The following HGSNAT variants were observed in gnomAD, a reference collection of about 807,000 sequenced individuals.
The protein encoded by HGSNAT is heparan-alpha-glucosaminide N-acetyltransferase, also known as transmembrane protein 76.
Under a neutral mutation model 85.2 loss-of-function variants are expected in HGSNAT, and 59 were observed. That is an observed-to-expected ratio of 0.69 (90% CI 0.56 to 0.86). The LOEUF (loss-of-function observed/expected upper bound fraction) is 0.86, where lower values mean the gene tolerates loss of function less well. Among genes scored for constraint, HGSNAT ranks in the 40% least tolerant of loss-of-function variants. The pLI is 0.00. For synonymous variants in HGSNAT, 321 were observed against 304.5 expected, an observed-to-expected ratio of 1.05 and a Z score of -0.56; for missense variants, 756 against 777.1, an observed-to-expected ratio of 0.97 and a Z score of 0.32.
At chr8:43,194,444 G>T (rs1804641831) in intron 14 of HGSNAT, 1 of 985,266 alleles carries the variant, frequency 1.0e-6, no homozygotes, top group Non-Finnish European at 1.2e-6. Context: ...GAGTGTGTGG[G>T]TATTGGTAAC....
At chr8:43,195,568 AAG>A (rs1196658402) in intron 14 of HGSNAT, among the ~76,000 whole-genome samples, 5 of 136,324 alleles carry the variant, frequency 3.7e-5, no homozygotes, top group Admixed American at 3.6e-4. Flanking sequence ...GATGAGGAGG[AAG>A]AGGGGGTGGA....
At chr8:43,171,885 G>C (rs1446988543) in intron 7 of HGSNAT, among the ~76,000 whole-genome samples, 2 of 152,088 alleles carry the variant, frequency 1.3e-5, no homozygotes, top group African/African-American at 4.8e-5. Context: ...CCTTGCCCAG[G>C]GTCTTATGGC....
intron 5 of HGSNAT, among the ~76,000 whole-genome samples, chr8:43,166,785 TAGCTGCCATAC>T (rs1336878717): frequency 1.3e-5 from 2 of 152,202 alleles, no homozygotes; most frequent in African/African-American, 2.4e-5. Flanking sequence ...TAAAGCCGTA[TAGCTGCCATAC>T]ATAGACAGTG....
chr8:43,159,165 G>GTTT, intron 4 of HGSNAT, 121 bp downstream of exon 4: 5 of 913,020 alleles, frequency 5.5e-6, no homozygotes, highest in Non-Finnish European at 8.0e-6. Context: ...TAAATCTTAG[G>GTTT]TCATTGATGA....
intron 9 of HGSNAT, among the ~76,000 whole-genome samples, chr8:43,174,456 A>G (rs1056436795): frequency 1.4e-4 from 22 of 152,320 alleles, no homozygotes; most frequent in African/African-American, 5.1e-4. Flanking sequence ...AAAATTTAAA[A>G]TAACAGTTGA....
At chr8:43,189,292 C>T (rs1804439310) in intron 11 of HGSNAT, among the ~76,000 whole-genome samples, 1 of 152,222 alleles carries the variant, frequency 6.6e-6, no homozygotes, top group African/African-American at 2.4e-5. Context: ...TCAGTTCAAG[C>T]TCCCCACCTG....
chr8:43,179,605 G>A (rs1803968570), intron 10 of HGSNAT, among the ~76,000 whole-genome samples: 1 of 74,800 alleles, frequency 1.3e-5, no homozygotes, highest in African/African-American at 6.3e-5. Flanking sequence ...TCCAGTAGGG[G>A]CGGCCGGGCA....
At chr8:43,142,957 C>T (rs573650345) in intron 1 of HGSNAT, among the ~76,000 whole-genome samples, 4 of 152,054 alleles carry the variant, frequency 2.6e-5, no homozygotes, top group South Asian at 2.1e-4. Context: ...GGAGAAATTA[C>T]GAAGGAAAAG....
chr8:43,189,603 C>T (rs1042553303), intron 11 of HGSNAT, among the ~76,000 whole-genome samples: 13 of 152,138 alleles, frequency 8.5e-5, no homozygotes, highest in Non-Finnish European at 1.2e-4. Context: ...CACCCTGCTC[C>T]GTGGGCTGTA....
rs571883806 is a variant in HGSNAT, at chr8:43,158,661, C to T, written c.321C>T (p.His107=). Residue 107 remains histidine (H), a synonymous_variant, in exon 3 of 18, where the codon CAC becomes CAT. Coordinates refer to ENST00000379644, the MANE Select transcript of HGSNAT (RefSeq NM_152419.3). ...CAGCTGCCTCTGTCAGCACCCAGCA[C>T]GGATCTATCCTGCAGCTGAACGACA... is the stretch of plus-strand genomic sequence containing the variant. ...SAAAASVSTQ[H]GSILQLNDTL... is the part of the protein sequence containing the mutation. 59 of 1,613,794 alleles carry T rather than the reference C, an allele frequency of 3.7e-5. No individual in the cohort carries two copies. In the African/African-American group the frequency reaches 4.9e-4, roughly 13 times the overall value.
In HGSNAT at chr8:43,196,351, A is replaced by G. The variant is rs986294564; in HGVS notation, c.1465-597A>G. The G allele has an allele frequency of 1.5e-5, 9 of 600,712 alleles. No homozygotes were observed. The Admixed American group carries it at 1.7e-4, about 12-fold the overall frequency. The allele number at this position is 600,712 out of a possible 1,614,324, so 37.2% of individuals were successfully genotyped here. On this transcript the variant is annotated intron_variant, in intron 14 of 17. Coordinates refer to ENST00000379644, the MANE Select transcript of HGSNAT (RefSeq NM_152419.3). Reference sequence around the variant, plus strand: ...TTCAGAGGGATTGTATGTGAAGTCCATATTTCACTGTTTTTAAATGTTTCC... The same window carrying G: ...TTCAGAGGGATTGTATGTGAAGTCCGTATTTCACTGTTTTTAAATGTTTCC...
chr8:43,187,124 T>G (rs13278729), intron 11 of HGSNAT, among the ~76,000 whole-genome samples: 6,855 of 152,312 alleles, frequency 0.045, 201 homozygotes, highest in South Asian at 0.078. Context: ...TTCTGTTGAT[T>G]TGAGGTGGAG....
In HGSNAT at chr8:43,146,964, A is replaced by T. The variant is rs746715452; in HGVS notation, c.135A>T (p.Arg45Ser). Residue 45 changes from arginine (R) to serine (S), a missense_variant, in exon 2 of 18, where the codon AGA becomes AGT. Arg to Ser is a moderately radical substitution (Grantham distance 110, BLOSUM62 -1). Coordinates refer to ENST00000379644, the MANE Select transcript of HGSNAT (RefSeq NM_152419.3). ...TTCTACCAGACTTAGACAAAAAAAG[A>T]CATGCAGAGCTGAAGATGGATCAGG... ...AAPPRDLDKK[R>S]HAELKMDQAL... 9 of 1,597,124 alleles carry T rather than the reference A, an allele frequency of 5.6e-6. No individual in the cohort carries two copies. In the East Asian group the frequency reaches 2.0e-4, roughly 36 times the overall value.
At chr8:43,192,197 G>C in intron 12 of HGSNAT, 107 bp from the exon 13 acceptor site, 1 of 1,287,880 alleles carries the variant, frequency 7.8e-7, no homozygotes, top group Non-Finnish European at 1.1e-6. Flanking sequence ...CAAAGTGTTG[G>C]GATTACAGGC....
chr8:43,192,841 G>T (rs540208184), intron 13 of HGSNAT, among the ~76,000 whole-genome samples: 2 of 152,136 alleles, frequency 1.3e-5, no homozygotes, highest in African/African-American at 4.8e-5. Context: ...TTTTCTGTAC[G>T]TCTCAGGTCG....
intron 1 of HGSNAT, among the ~76,000 whole-genome samples, chr8:43,143,605 T>C (rs1390444875): frequency 1.3e-5 from 2 of 151,488 alleles, no homozygotes; most frequent in East Asian, 1.9e-4. Flanking sequence ...TGGTGCGAAC[T>C]CAGCTCACTG....
At chr8:43,150,863 AAATAAAAT>A (rs956230722) in intron 2 of HGSNAT, among the ~76,000 whole-genome samples, 1 of 137,086 alleles carries the variant, frequency 7.3e-6, no homozygotes, top group African/African-American at 2.6e-5. Context: ...ATAAATAAAT[AAATAAAAT>A]AAAATTGCTT....
chr8:43,156,495 T>G (rs1450820080), intron 2 of HGSNAT, among the ~76,000 whole-genome samples: 1 of 152,152 alleles, frequency 6.6e-6, no homozygotes, highest in Non-Finnish European at 1.5e-5. Context: ...TTTCATTGAC[T>G]CATTGGTTAT....
At chr8:43,186,322 A>G (rs1211745191) in intron 11 of HGSNAT, among the ~76,000 whole-genome samples, 1 of 152,048 alleles carries the variant, frequency 6.6e-6, no homozygotes. Context: ...AGAGCCTGTT[A>G]TTGTTCTATT....
Sources: gnomAD v4.1 joint callset for allele counts (sites outside exome capture counted in the v4.1 genomes callset) on GRCh38, gnomAD v4.1.1 for gene constraint, MANE v1.5 for transcripts, NCBI Gene and HGNC (gene_info 2026-07-23, HGNC 2026-07-21) for gene names.